Variants in PCNX2 observed in about 807,000 individuals in gnomAD.
PCNX2 encodes pecanex 2, also known as pecanex-like protein 2.
A neutral mutation model predicts 223.8 loss-of-function variants in PCNX2; 168 were observed. The ratio of observed to expected loss-of-function variants is 0.75; its 90% CI spans 0.66 to 0.85. PCNX2 has a LOEUF of 0.85. Among genes scored for constraint, PCNX2 ranks in the 40% least tolerant of loss-of-function variants. The pLI, the probability that PCNX2 is intolerant of heterozygous loss-of-function variation, is 0.00. For missense variants in PCNX2, 2,507 were observed against 2,675.5 expected, an observed-to-expected ratio of 0.94 and a Z score of 1.39; for synonymous variants, 1,006 against 1,052.6, an observed-to-expected ratio of 0.96 and a Z score of 0.86.
chr1:233,029,158 A>G (rs1671183113), intron 25 of PCNX2, among the ~76,000 whole-genome samples: 1 of 152,052 alleles, frequency 6.6e-6, no homozygotes, highest in African/African-American at 2.4e-5. Context: ...TTTTTAATTG[A>G]GCAACTTTTG....
In PCNX2 at chr1:233,250,998, G is replaced by A. The variant is rs1659416502; in HGVS notation, c.2129-166C>T. The A allele has an allele frequency of 7.8e-6, 3 of 382,622 alleles. No individual in the cohort carries two copies. The South Asian group carries it at 3.3e-4, about 42-fold the overall frequency. The allele number at this position is 382,622 out of a possible 1,614,324, so 23.7% of individuals were successfully genotyped here. On this transcript the variant is annotated intron_variant, in intron 7 of 33. Coordinates refer to ENST00000258229, the MANE Select transcript of PCNX2 (RefSeq NM_014801.4). ...TATTTCTGCACAGAACATATATCAT[G>A]AGAAGTTGAAGGATGTCTGAAAGAA...
At chr1:233,161,799 G>A (rs1678498762) in intron 17 of PCNX2, among the ~76,000 whole-genome samples, 1 of 152,050 alleles carries the variant, frequency 6.6e-6, no homozygotes, top group East Asian at 1.9e-4. Flanking sequence ...TCATCTCTAT[G>A]TGGCTTTAGG....
chr1:233,004,314 A>C (rs1031969641), intron 28 of PCNX2, among the ~76,000 whole-genome samples: 1 of 151,978 alleles, frequency 6.6e-6, no homozygotes, highest in Non-Finnish European at 1.5e-5. Context: ...CCCACACATC[A>C]CTGAGTGTTG....
At chr1:233,177,190 A>T (rs1223966467) in intron 17 of PCNX2, among the ~76,000 whole-genome samples, 1 of 152,224 alleles carries the variant, frequency 6.6e-6, no homozygotes, top group Non-Finnish European at 1.5e-5. Context: ...AAATCAATGT[A>T]CTTTATGTTC....
intron 15 of PCNX2, among the ~76,000 whole-genome samples, chr1:233,192,236 C>T (rs10489803): frequency 0.13 from 19,939 of 152,062 alleles, 1,418 homozygotes; most frequent in East Asian, 0.21. Context: ...GTGGCTCAGG[C>T]ATAAAAAATG....
chr1:233,298,415 G>A, upstream of PCNX2, among the ~76,000 whole-genome samples: 1 of 152,158 alleles, frequency 6.6e-6, no homozygotes. Flanking sequence ...ATGATAAAGT[G>A]GGCAGGTGCC....
chr1:233,160,004 C>T (rs1286536785), intron 19 of PCNX2, among the ~76,000 whole-genome samples: 1 of 152,160 alleles, frequency 6.6e-6, no homozygotes, highest in East Asian at 1.9e-4. Context: ...TACCAATAGC[C>T]AATTAATATT....
intron 1 of PCNX2, among the ~76,000 whole-genome samples, chr1:233,276,021 C>T (rs908855497): frequency 1.1e-4 from 15 of 141,456 alleles, no homozygotes; most frequent in Non-Finnish European, 2.1e-4. Flanking sequence ...CTGAGCGAGA[C>T]TGTCTCCAAA....
intron 19 of PCNX2, among the ~76,000 whole-genome samples, chr1:233,148,818 C>T (rs1305058546): frequency 2.0e-5 from 3 of 152,202 alleles, no homozygotes. Flanking sequence ...AAATGAAACT[C>T]ATACTGAATG....
intron 23 of PCNX2, among the ~76,000 whole-genome samples, chr1:233,068,225 C>G (rs1465444605): frequency 6.6e-6 from 1 of 152,002 alleles, no homozygotes; most frequent in East Asian, 1.9e-4. Context: ...TGAAGATATC[C>G]TTTTGGAATG....
At chr1:233,097,341 TAA>T (rs368356296) in intron 21 of PCNX2, among the ~76,000 whole-genome samples, 7 of 143,282 alleles carry the variant, frequency 4.9e-5, no homozygotes, top group African/African-American at 7.7e-5. Context: ...AAGGGAGGAT[TAA>T]AAAAAAAAAG....
chr1:233,110,743 A>C (rs11581843), intron 21 of PCNX2, among the ~76,000 whole-genome samples: 3 of 151,538 alleles, frequency 2.0e-5, no homozygotes, highest in Non-Finnish European at 4.4e-5. Flanking sequence ...GCACAAAGGA[A>C]AGGAAGGAGA....
chr1:233,017,328 T>C (rs1467612432), intron 26 of PCNX2, among the ~76,000 whole-genome samples, 174 bp from the exon 27 acceptor site: 2 of 145,884 alleles, frequency 1.4e-5, no homozygotes, highest in Non-Finnish European at 3.0e-5. Context: ...TTTTTTTTTT[T>C]TTTTTTTGAG....
chr1:233,286,737 G>C (rs1161198552), intron 1 of PCNX2, among the ~76,000 whole-genome samples: 2 of 151,984 alleles, frequency 1.3e-5, no homozygotes, highest in African/African-American at 4.8e-5. Flanking sequence ...AATCAACTAG[G>C]AACACGTGCC....
the PCNX2 span, among the ~76,000 whole-genome samples, chr1:233,312,463 A>G: frequency 6.6e-6 from 1 of 152,210 alleles, no homozygotes; most frequent in African/African-American, 2.4e-5. Flanking sequence ...AGAGAATATT[A>G]TTACAAAACT....
At chr1:233,120,376 A>G (rs1202039885) in intron 21 of PCNX2, among the ~76,000 whole-genome samples, 1 of 152,146 alleles carries the variant, frequency 6.6e-6, no homozygotes, top group Non-Finnish European at 1.5e-5. Flanking sequence ...ATGAAAATGT[A>G]AATTAAAACC....
intron 23 of PCNX2, among the ~76,000 whole-genome samples, chr1:233,068,546 T>A (rs555328555): frequency 2.6e-5 from 4 of 152,088 alleles, no homozygotes; most frequent in African/African-American, 9.7e-5. Flanking sequence ...TAAGTGTATA[T>A]ACAGAAAATA....
At chr1:233,095,453 C>A in intron 22 of PCNX2, 1 of 337,486 alleles carries the variant, frequency 3.0e-6, no homozygotes, top group Non-Finnish European at 5.5e-6. Context: ...CAAGGCAACC[C>A]AATCATTTAA....
intron 21 of PCNX2, among the ~76,000 whole-genome samples, chr1:233,120,204 A>AT (rs1367433404): frequency 6.6e-6 from 1 of 150,668 alleles, no homozygotes; most frequent in African/African-American, 2.4e-5. Flanking sequence ...AGAAAAAAGA[A>AT]AAAAAAAGAG....
Sources: allele counts gnomAD v4.1 joint callset (sites outside exome capture counted in the v4.1 genomes callset), GRCh38; gene constraint gnomAD v4.1.1; transcripts MANE v1.5; gene names NCBI Gene and HGNC (gene_info 2026-07-23, HGNC 2026-07-21).